The following CFAP299 variants were observed in gnomAD, a reference collection of about 807,000 sequenced individuals.
CFAP299 encodes cilia and flagella associated protein 299.
Under a neutral mutation model 27.0 loss-of-function variants are expected in CFAP299, and 21 were observed. That is an observed-to-expected ratio of 0.78 (90% CI 0.55 to 1.12). The LOEUF (loss-of-function observed/expected upper bound fraction) is 1.12. Among genes scored for constraint, CFAP299 ranks in the 50% most tolerant of loss-of-function variants. The pLI is 0.00. For missense variants in CFAP299, 310 were observed against 276.6 expected, an observed-to-expected ratio of 1.12 and a Z score of -0.86; for synonymous variants, 104 against 98.1, an observed-to-expected ratio of 1.06 and a Z score of -0.36.
intron 3 of CFAP299, among the ~76,000 whole-genome samples, chr4:80,690,136 A>T (rs1286749162): frequency 6.7e-6 from 1 of 149,726 alleles, no homozygotes. Context: ...CAGATCAACG[A>T]GACAGAAAAT....
chr4:80,697,627 T>G (rs574913117), intron 3 of CFAP299, among the ~76,000 whole-genome samples: 1 of 152,336 alleles, frequency 6.6e-6, no homozygotes, highest in East Asian at 1.9e-4. Flanking sequence ...GACTACTCCC[T>G]GGGATGGATC....
chr4:80,362,745 TCTCTCTAGGATGAAA>T lies in CFAP299; in HGVS notation c.112-7_119del, dbSNP rs1723616602. ...TGCCCACTCACCTAACAACTGATTT[TCTCTCTAGGATGAAA>T]CCCTGGCCCGCCAGTTGGTGGAGCT... is the stretch of plus-strand genomic sequence containing the variant. On this transcript the variant is annotated splice_acceptor_variant and splice_polypyrimidine_tract_variant and coding_sequence_variant and intron_variant, in exon 2 of 6. Transcript: ENST00000358105. LOFTEE classifies it high-confidence loss of function. 2 of 1,588,496 alleles carry T rather than the reference TCTCTCTAGGATGAAA, an allele frequency of 1.3e-6. No homozygotes were observed.
chr4:80,601,413 A>C (rs1560649029), intron 3 of CFAP299, among the ~76,000 whole-genome samples: 1 of 152,184 alleles, frequency 6.6e-6, no homozygotes, highest in Non-Finnish European at 1.5e-5. Flanking sequence ...TGAATAAATA[A>C]ATGCTGTTAG....
intron 4 of CFAP299, among the ~76,000 whole-genome samples, chr4:80,914,269 G>T (rs1172144660): frequency 6.6e-6 from 1 of 152,130 alleles, no homozygotes; most frequent in African/African-American, 2.4e-5. Context: ...CAAAGATTTT[G>T]TTAACACTTT....
At chr4:80,496,505 T>C (rs1479754689) in intron 2 of CFAP299, among the ~76,000 whole-genome samples, 1 of 152,196 alleles carries the variant, frequency 6.6e-6, no homozygotes, top group African/African-American at 2.4e-5. Flanking sequence ...ACATTATCTA[T>C]ATCACTATCA....
At chr4:80,856,571 A>C (rs1388389094) in intron 3 of CFAP299, among the ~76,000 whole-genome samples, 2 of 151,780 alleles carry the variant, frequency 1.3e-5, no homozygotes, top group African/African-American at 2.4e-5. Flanking sequence ...ATCTTGAATT[A>C]ATTTTTGTAT....
At chr4:80,858,187 A>C (rs1419012564) in intron 3 of CFAP299, among the ~76,000 whole-genome samples, 3 of 152,098 alleles carry the variant, frequency 2.0e-5, no homozygotes, top group Non-Finnish European at 2.9e-5. Context: ...TGTCTAGTTC[A>C]TTTGCATAGA....
intron 3 of CFAP299, among the ~76,000 whole-genome samples, chr4:80,811,914 G>A (rs953028208): frequency 2.6e-5 from 4 of 151,386 alleles, no homozygotes; most frequent in Non-Finnish European, 5.9e-5. Flanking sequence ...TATGAGAAGA[G>A]GTAATAAATA....
At chr4:80,702,848 G>A in intron 3 of CFAP299, among the ~76,000 whole-genome samples, 1 of 151,752 alleles carries the variant, frequency 6.6e-6, no homozygotes. Context: ...GTTCTGATTT[G>A]TGGCGTATCT....
At chr4:80,572,706 A>G (rs1290368524) in intron 2 of CFAP299, among the ~76,000 whole-genome samples, 1 of 151,422 alleles carries the variant, frequency 6.6e-6, no homozygotes, top group Non-Finnish European at 1.5e-5. Flanking sequence ...TTTAGCAGAG[A>G]TGGGGTTTCA....
At chr4:80,327,358 G>C in the CFAP299 span, among the ~76,000 whole-genome samples, 1 of 152,018 alleles carries the variant, frequency 6.6e-6, no homozygotes, top group African/African-American at 2.4e-5. Context: ...TGAAGTAAGA[G>C]ATAAGACCAG....
chr4:80,685,855 T>C (rs1006040834), intron 3 of CFAP299, among the ~76,000 whole-genome samples: 23 of 152,152 alleles, frequency 1.5e-4, no homozygotes, highest in African/African-American at 5.3e-4. Context: ...GAGAAACATA[T>C]TGGACACTGG....
intron 3 of CFAP299, among the ~76,000 whole-genome samples, chr4:80,812,901 T>C (rs1033440964): frequency 1.3e-4 from 20 of 152,152 alleles, no homozygotes; most frequent in Non-Finnish European, 1.2e-4. Flanking sequence ...ATAGGATTTA[T>C]AGGCACATTC....
chr4:80,727,239 T>C (rs1366559240), intron 3 of CFAP299, among the ~76,000 whole-genome samples: 6 of 152,120 alleles, frequency 3.9e-5, no homozygotes, highest in Non-Finnish European at 7.4e-5. Flanking sequence ...GATATCTATA[T>C]GTTCCTCTTT....
At chr4:80,931,115 T>C (rs905840950) in intron 4 of CFAP299, among the ~76,000 whole-genome samples, 3 of 151,896 alleles carry the variant, frequency 2.0e-5, no homozygotes. Flanking sequence ...ATCCTCTCCA[T>C]TGATTTTAAA....
chr4:80,692,777 A>T (rs1429125122), intron 3 of CFAP299, among the ~76,000 whole-genome samples: 1 of 152,230 alleles, frequency 6.6e-6, no homozygotes, highest in African/African-American at 2.4e-5. Flanking sequence ...AAATGGGAGA[A>T]AATTTTCGCA....
chr4:80,399,586 C>A (rs1293474641), intron 2 of CFAP299, among the ~76,000 whole-genome samples: 1 of 150,952 alleles, frequency 6.6e-6, no homozygotes, highest in African/African-American at 2.4e-5. Context: ...CAAACTATTG[C>A]AAGGACAAAA....
At chr4:80,829,171 C>T (rs1159697629) in intron 3 of CFAP299, among the ~76,000 whole-genome samples, 3 of 151,812 alleles carry the variant, frequency 2.0e-5, no homozygotes, top group South Asian at 4.2e-4. Context: ...AATTGCAAAT[C>T]ATATATCTGA....
intron 2 of CFAP299, among the ~76,000 whole-genome samples, chr4:80,497,631 A>G (rs916019482): frequency 6.6e-6 from 1 of 152,058 alleles, no homozygotes; most frequent in Non-Finnish European, 1.5e-5. Flanking sequence ...CCCCTTATAT[A>G]TGAATTTATA....
Sources: allele counts gnomAD v4.1 joint callset (sites outside exome capture counted in the v4.1 genomes callset), GRCh38; gene constraint gnomAD v4.1.1; transcripts MANE v1.5; gene names NCBI Gene and HGNC (gene_info 2026-07-23, HGNC 2026-07-21).